Variants in RALGAPA2 observed in about 807,000 individuals in gnomAD.
RALGAPA2 encodes the protein ral GTPase-activating protein subunit alpha-2.
In RALGAPA2, 139 loss-of-function variants were observed where a neutral mutation model predicts 230.4. The observed-to-expected ratio is 0.60, with a 90% CI of 0.53 to 0.69. The LOEUF is 0.69. RALGAPA2 is among the 30% of genes least tolerant of loss of function. RALGAPA2 has a pLI of 0.00. For missense variants in RALGAPA2, 2,163 were observed against 2,276.0 expected (o/e 0.95, Z 1.01); for synonymous variants, 847 against 837.8 (o/e 1.01, Z -0.19).
chr20:20,481,965 A>G (rs1207665022), intron 36 of RALGAPA2, among the ~76,000 whole-genome samples: 3 of 152,242 alleles, frequency 2.0e-5, no homozygotes, highest in Non-Finnish European at 4.4e-5. Flanking sequence ...AAAAAAACCA[A>G]ACAATTTTGA....
chr20:20,498,018 A>G (rs1439428614), intron 35 of RALGAPA2, among the ~76,000 whole-genome samples: 4 of 152,244 alleles, frequency 2.6e-5, no homozygotes, highest in African/African-American at 7.2e-5. Context: ...GGTAAAATAA[A>G]TAAAATTCAT....
intron 3 of RALGAPA2, among the ~76,000 whole-genome samples, chr20:20,672,630 A>G (rs2068175067): frequency 6.6e-6 from 1 of 152,246 alleles, no homozygotes; most frequent in Non-Finnish European, 1.5e-5. Flanking sequence ...ATGCAACACA[A>G]ACAGATTGCG....
In RALGAPA2 at chr20:20,417,154, C is replaced by T. The variant is rs1001160367; in HGVS notation, c.5496-5006G>A. Among the ~76,000 whole-genome samples the T allele has an allele frequency of 1.1e-4, 16 of 152,322 alleles. No homozygotes were observed. The East Asian group carries it at 3.1e-3, about 29-fold the overall frequency. The stretch of plus-strand genomic sequence containing the variant: ...TTCTGGCGCCCCCGAGTTCTGCTGC[C>T]ACTGTTCCATCCCTTGAGTACATTA... On this transcript the variant is annotated intron_variant, in intron 37 of 39. Transcript: ENST00000202677.
intron 36 of RALGAPA2, among the ~76,000 whole-genome samples, chr20:20,483,747 A>C (rs1382874315): frequency 2.0e-5 from 3 of 152,228 alleles, no homozygotes; most frequent in Admixed American, 2.0e-4. Context: ...TTTTTCCCAC[A>C]TTTCTAACCA....
At chr20:20,487,116 T>C (rs554481440) in intron 36 of RALGAPA2, among the ~76,000 whole-genome samples, 12 of 152,350 alleles carry the variant, frequency 7.9e-5, no homozygotes, top group Admixed American at 3.3e-4. Context: ...TTTTGCCTTT[T>C]AGTGGGCCTT....
chr20:20,508,085 T>C (rs957704988), intron 33 of RALGAPA2, among the ~76,000 whole-genome samples: 1 of 152,248 alleles, frequency 6.6e-6, no homozygotes, highest in Non-Finnish European at 1.5e-5. Context: ...ATTAACTCAA[T>C]GTGAGAGCAC....
chr20:20,395,715 G>A (rs574032022), intron 39 of RALGAPA2, among the ~76,000 whole-genome samples: 39 of 152,218 alleles, frequency 2.6e-4, no homozygotes, highest in African/African-American at 8.4e-4. Context: ...CTGGAGGGTC[G>A]GCTGGCTGTG....
At chr20:20,610,112 C>CT (rs11477081) in intron 14 of RALGAPA2, among the ~76,000 whole-genome samples, 1 of 152,080 alleles carries the variant, frequency 6.6e-6, no homozygotes. Flanking sequence ...TCTAGATATG[C>CT]TTTTTAACAT....
chr20:20,505,586 C>A, intron 33 of RALGAPA2, 52 bp from the exon 34 acceptor site: 1 of 1,430,560 alleles, frequency 7.0e-7, no homozygotes, highest in Non-Finnish European at 9.4e-7. Flanking sequence ...TAAAATTTTA[C>A]TTCACTACTA....
intron 27 of RALGAPA2, among the ~76,000 whole-genome samples, chr20:20,530,762 T>C (rs2063348287): frequency 1.3e-5 from 2 of 152,072 alleles, no homozygotes; most frequent in African/African-American, 4.8e-5. Context: ...AGGTGGTCAT[T>C]CTAGAGCCTT....
chr20:20,696,984 C>T (rs556456529), intron 1 of RALGAPA2, among the ~76,000 whole-genome samples: 1 of 152,268 alleles, frequency 6.6e-6, no homozygotes, highest in Admixed American at 6.5e-5. Flanking sequence ...AATCCACCTG[C>T]CTGGGCCTCA....
At chr20:20,674,214 ATAG>A (rs1241276988) in intron 3 of RALGAPA2, among the ~76,000 whole-genome samples, 2 of 147,576 alleles carry the variant, frequency 1.4e-5, no homozygotes, top group African/African-American at 2.5e-5. Context: ...AATAATAATA[ATAG>A]TAATAGTAAT....
intron 27 of RALGAPA2, among the ~76,000 whole-genome samples, chr20:20,527,602 C>G (rs2081016631): frequency 6.6e-6 from 1 of 152,046 alleles, no homozygotes; most frequent in African/African-American, 2.4e-5. Context: ...CGCCCTCCCC[C>G]CACACCCCCA....
At chr20:20,489,547 G>A (rs1280816478) in intron 36 of RALGAPA2, among the ~76,000 whole-genome samples, 3 of 150,866 alleles carry the variant, frequency 2.0e-5, no homozygotes, top group African/African-American at 7.3e-5. Flanking sequence ...GTGAGGTGGA[G>A]TTGTAATGAA....
chr20:20,587,286 A>G (rs543656733), intron 18 of RALGAPA2, among the ~76,000 whole-genome samples: 74 of 152,284 alleles, frequency 4.9e-4, no homozygotes, highest in Non-Finnish European at 9.1e-4. Flanking sequence ...AGGTGGGAAA[A>G]CTATAGTAAC....
intron 27 of RALGAPA2, among the ~76,000 whole-genome samples, chr20:20,528,107 G>A (rs1363665397): frequency 6.6e-6 from 1 of 152,126 alleles, no homozygotes; most frequent in Admixed American, 6.5e-5. Flanking sequence ...AGGTATGGGT[G>A]GCAAGGCCCA....
At chr20:20,617,332 T>C (rs1404160738) in intron 12 of RALGAPA2, among the ~76,000 whole-genome samples, 1 of 152,246 alleles carries the variant, frequency 6.6e-6, no homozygotes. Context: ...TTAAAACGTA[T>C]TATGTCCCAA....
intron 25 of RALGAPA2, 126 bp downstream of exon 25, chr20:20,536,530 A>G: frequency 9.1e-7 from 1 of 1,098,856 alleles, no homozygotes; most frequent in East Asian, 2.8e-5. Context: ...CAACTACTGA[A>G]ACATTTAAAA....
At chr20:20,706,604 T>C (rs558433231) in intron 1 of RALGAPA2, among the ~76,000 whole-genome samples, 101 of 152,310 alleles carry the variant, frequency 6.6e-4, no homozygotes, top group African/African-American at 2.3e-3. Flanking sequence ...TCAAATATGA[T>C]AATCCCAAGT....
Sources: allele counts gnomAD v4.1 joint callset (sites outside exome capture counted in the v4.1 genomes callset), GRCh38; gene constraint gnomAD v4.1.1; transcripts MANE v1.5; gene names NCBI Gene and HGNC (gene_info 2026-07-23, HGNC 2026-07-21).